The following ANKRD36 variants were observed in gnomAD, a reference collection of about 807,000 sequenced individuals.
ANKRD36 encodes the protein ankyrin repeat domain-containing protein 36A.
Under a neutral mutation model 278.1 loss-of-function variants are expected in ANKRD36, and 179 were observed. That is an observed-to-expected ratio of 0.64 (90% CI 0.57 to 0.73). The LOEUF is 0.73. Among genes scored for constraint, ANKRD36 ranks in the 30% least tolerant of loss-of-function variants. The pLI is 0.00. For missense variants in ANKRD36, 1,159 were observed against 1,956.7 expected, an observed-to-expected ratio of 0.59 and a Z score of 7.69; for synonymous variants, 320 against 641.1, an observed-to-expected ratio of 0.50 and a Z score of 7.57.
chr2:97,170,387 C>T, intron 22 of ANKRD36, among the ~76,000 whole-genome samples: 1 of 151,922 alleles, frequency 6.6e-6, no homozygotes, highest in East Asian at 1.9e-4. Flanking sequence ...ACAGAGCCCT[C>T]AGAAATAACG....
chr2:97,199,401 C>G (rs1474927316), intron 44 of ANKRD36, among the ~76,000 whole-genome samples: 1 of 151,848 alleles, frequency 6.6e-6, no homozygotes, highest in African/African-American at 2.4e-5. Flanking sequence ...ATTTTGCTTC[C>G]TTGTTCAAGG....
intron 68 of ANKRD36, among the ~76,000 whole-genome samples, 158 bp from the exon 69 acceptor site, chr2:97,241,108 A>C: frequency 8.4e-6 from 1 of 118,384 alleles, no homozygotes; most frequent in South Asian, 3.6e-4. Flanking sequence ...GTGTTGTCTT[A>C]TCTGCAGACC....
chr2:97,162,861 G>A (rs1049606650), intron 18 of ANKRD36, among the ~76,000 whole-genome samples: 1 of 151,926 alleles, frequency 6.6e-6, no homozygotes, highest in African/African-American at 2.4e-5. Context: ...GTACCTCAGA[G>A]GCTGCTATGC....
intron 53 of ANKRD36, 28 bp downstream of exon 53, chr2:97,207,867 A>C (rs752054237): frequency 5.8e-5 from 89 of 1,544,966 alleles, no homozygotes; most frequent in Non-Finnish European, 6.7e-5. Context: ...TATATTGTGA[A>C]CTAGTAAATG....
chr2:97,193,838 A>T (rs545772694), intron 38 of ANKRD36, among the ~76,000 whole-genome samples: 4 of 151,812 alleles, frequency 2.6e-5, no homozygotes, highest in Admixed American at 6.6e-5. Flanking sequence ...CTATTTAATG[A>T]AACTTCTTTA....
chr2:97,195,650 A>G (rs1178573362), intron 40 of ANKRD36, among the ~76,000 whole-genome samples: 2 of 152,008 alleles, frequency 1.3e-5, no homozygotes, highest in African/African-American at 4.8e-5. Flanking sequence ...GAATATGAAT[A>G]TGGTGGCTTC....
rs2056769672 is a variant in ANKRD36, at chr2:97,183,669, C to T, written c.1939+15C>T. On this transcript the variant is annotated intron_variant, in intron 28 of 75. Coordinates refer to ENST00000420699, the MANE Select transcript of ANKRD36 (RefSeq NM_001354587.1). ...ATCTGGAACAGGTAATTTGGCAATACACATTTAATGTCATGTGCACTCAAG... is the reference window on the plus strand; with the variant it reads ...ATCTGGAACAGGTAATTTGGCAATATACATTTAATGTCATGTGCACTCAAG... 4 of 1,564,150 alleles carry T rather than the reference C, an allele frequency of 2.6e-6. No individual in the cohort carries two copies. The highest frequency in any genetic ancestry group is 1.2e-5 in the South Asian group (1 of 84,844).
intron 34 of ANKRD36, among the ~76,000 whole-genome samples, chr2:97,190,681 A>G (rs1291342786): frequency 6.6e-6 from 1 of 151,530 alleles, no homozygotes; most frequent in Non-Finnish European, 1.5e-5. Flanking sequence ...ATTTTAGATC[A>G]CTTTGTCCTC....
intron 6 of ANKRD36, among the ~76,000 whole-genome samples, chr2:97,138,618 A>T (rs1195614970): frequency 6.6e-6 from 1 of 152,044 alleles, no homozygotes; most frequent in Non-Finnish European, 1.5e-5. Context: ...AAAAGAGCCC[A>T]TATAGCCAAG....
At chr2:97,200,667 G>A (rs1200276108) in intron 46 of ANKRD36, 142 bp downstream of exon 46, 3 of 1,375,396 alleles carry the variant, frequency 2.2e-6, no homozygotes, top group African/African-American at 3.0e-5. Context: ...AAGTTCTTGG[G>A]TTATGCTGAT....
chr2:97,184,838 C>T (rs1013040571), intron 28 of ANKRD36, among the ~76,000 whole-genome samples: 1 of 151,744 alleles, frequency 6.6e-6, no homozygotes, highest in Non-Finnish European at 1.5e-5. Flanking sequence ...GTGAAGTGTA[C>T]ATTCATCTGA....
At chr2:97,118,658 G>T (rs2036174932) in intron 3 of ANKRD36, 141 bp downstream of exon 3, 3 of 677,948 alleles carry the variant, frequency 4.4e-6, no homozygotes, top group Non-Finnish European at 4.4e-6. Context: ...AACTGTCTAA[G>T]ATTTTACTTT....
At chr2:97,140,525 A>C (rs978551662) in intron 6 of ANKRD36, among the ~76,000 whole-genome samples, 1 of 151,984 alleles carries the variant, frequency 6.6e-6, no homozygotes, top group African/African-American at 2.4e-5. Flanking sequence ...AACTCATAAT[A>C]TGATGGGAAA....
chr2:97,120,741 A>G (rs1439057771), intron 3 of ANKRD36, among the ~76,000 whole-genome samples: 1 of 152,138 alleles, frequency 6.6e-6, no homozygotes, highest in African/African-American at 2.4e-5. Context: ...CTTGTGTTAC[A>G]TACAATTGCT....
chr2:97,231,583 T>C (rs2072113310), intron 67 of ANKRD36, among the ~76,000 whole-genome samples: 1 of 152,108 alleles, frequency 6.6e-6, no homozygotes, highest in Admixed American at 6.5e-5. Context: ...CCCCTTCCAC[T>C]TCCTGAGTGA....
chr2:97,229,459 C>A (rs1459470261), intron 67 of ANKRD36, among the ~76,000 whole-genome samples: 8 of 152,194 alleles, frequency 5.3e-5, no homozygotes, highest in Admixed American at 4.6e-4. Context: ...AGGATTGCAA[C>A]CCCTGCCTTT....
chr2:97,117,547 G>C (rs1214035826), intron 1 of ANKRD36, among the ~76,000 whole-genome samples: 5 of 152,056 alleles, frequency 3.3e-5, no homozygotes, highest in Non-Finnish European at 7.4e-5. Context: ...GCTTATATAA[G>C]AGAATGGTGA....
rs1341881974 is a variant in ANKRD36, at chr2:97,200,353, A to G, written c.2775A>G (p.Pro925=). 11 of 1,606,602 alleles carry G rather than the reference A, an allele frequency of 6.8e-6. No individual in the cohort carries two copies. The highest frequency in any genetic ancestry group is 2.3e-4 in the Middle Eastern group (1 of 4,420). ...TTTCAGTGTCTTCTCGGAAAAAACC[A>G]TCCTTGGAGGTAATGAAACTCTCAT... The part of the protein sequence containing the change: ...KTKRVSSRKK[P]SLEATSDEKD... The change falls in exon 45 of 76, where the codon CCA becomes CCG. Residue 925 remains proline (P), a synonymous_variant. Coordinates refer to ENST00000420699, the MANE Select transcript of ANKRD36 (RefSeq NM_001354587.1).
chr2:97,177,861 A>G (rs1339576120), intron 22 of ANKRD36, among the ~76,000 whole-genome samples: 1 of 151,922 alleles, frequency 6.6e-6, no homozygotes, highest in African/African-American at 2.4e-5. Flanking sequence ...TCTGCACTGC[A>G]AAAGAAACTA....
Sources: allele counts gnomAD v4.1 joint callset (sites outside exome capture counted in the v4.1 genomes callset), GRCh38; gene constraint gnomAD v4.1.1; transcripts MANE v1.5; gene names NCBI Gene and HGNC (gene_info 2026-07-23, HGNC 2026-07-21).